MALRD1: variants seen among roughly 807,000 people sequenced by gnomAD.
The protein encoded by MALRD1 is MAM and LDL receptor class A domain containing 1.
In MALRD1, 247 loss-of-function variants were observed where a neutral mutation model predicts 242.1. That is an observed-to-expected ratio of 1.02 (90% CI 0.92 to 1.13). MALRD1 has a LOEUF of 1.13. Ranked by LOEUF, MALRD1 falls within the 50% of genes most tolerant of loss-of-function variation. MALRD1 has a pLI of 0.00. For missense variants in MALRD1, 2,989 were observed against 2,533.1 expected (o/e 1.18, Z -3.86); for synonymous variants, 995 against 866.6 (o/e 1.15, Z -2.60).
At chr10:19,427,560 C>T (rs10508586) in intron 28 of MALRD1, among the ~76,000 whole-genome samples, 2,275 of 152,142 alleles carry the variant, frequency 0.015, 39 homozygotes, top group East Asian at 0.062. Flanking sequence ...GATGGTAGCA[C>T]GGACATCAAA....
At chr10:19,379,741 A>G (rs1354843281) in intron 26 of MALRD1, among the ~76,000 whole-genome samples, 1 of 152,128 alleles carries the variant, frequency 6.6e-6, no homozygotes, top group East Asian at 1.9e-4. Flanking sequence ...CTTGAAAACA[A>G]TGTATATTCT....
chr10:19,553,092 C>T (rs1835561615), intron 32 of MALRD1, among the ~76,000 whole-genome samples: 2 of 151,988 alleles, frequency 1.3e-5, no homozygotes. Context: ...CCTAAGAGGA[C>T]TATTTTATTT....
At chr10:19,300,674 T>G (rs946771520) in intron 21 of MALRD1, among the ~76,000 whole-genome samples, 6 of 152,010 alleles carry the variant, frequency 3.9e-5, no homozygotes, top group Admixed American at 3.9e-4. Context: ...AGATTGAAAC[T>G]GGACCCCTTC....
intron 4 of MALRD1, among the ~76,000 whole-genome samples, chr10:19,099,791 A>G (rs1836184901): frequency 6.6e-6 from 1 of 150,816 alleles, no homozygotes; most frequent in South Asian, 2.1e-4. Flanking sequence ...TGCCAGATGG[A>G]ATCTCACTCT....
intron 26 of MALRD1, 31 bp from the exon 27 acceptor site, chr10:19,387,497 C>T: frequency 6.5e-7 from 1 of 1,542,094 alleles, no homozygotes; most frequent in South Asian, 1.2e-5. Context: ...GGAGTGTTCG[C>T]TCATTCTTGT....
At chr10:19,629,070 A>G (rs578177098) in intron 36 of MALRD1, among the ~76,000 whole-genome samples, 31 of 152,202 alleles carry the variant, frequency 2.0e-4, no homozygotes, top group Non-Finnish European at 4.0e-4. Flanking sequence ...ATATGCTAAC[A>G]GAGTCACAAA....
chr10:19,486,229 G>C (rs1029925787), intron 29 of MALRD1, among the ~76,000 whole-genome samples: 8 of 152,080 alleles, frequency 5.3e-5, no homozygotes, highest in African/African-American at 1.9e-4. Flanking sequence ...AGAACCAAAA[G>C]ACGTAGTTTC....
chr10:19,584,480 G>T (rs1476436358), intron 33 of MALRD1, among the ~76,000 whole-genome samples: 2 of 152,088 alleles, frequency 1.3e-5, no homozygotes, highest in Non-Finnish European at 2.9e-5. Context: ...ATTTCGTTAT[G>T]TACCCAGTAG....
chr10:19,324,091 G>T lies in MALRD1; in HGVS notation c.3562G>T (p.Val1188Phe), dbSNP rs182913030. 1 of 1,550,198 alleles carries T rather than the reference G, an allele frequency of 6.5e-7. No homozygotes were observed. The highest frequency in any genetic ancestry group is 2.4e-5 in the East Asian group (1 of 40,880). Reference sequence around the variant, plus strand: ...CTGGACACATATGAATGGGGCCACCGTTGGTTCTCTCCAGGTACTGCTTAG... The same window carrying T: ...CTGGACACATATGAATGGGGCCACCTTTGGTTCTCTCCAGGTACTGCTTAG... ...VFWTHMNGAT[V>F]GSLQVLIKKD... is the part of the protein sequence containing the mutation. The change falls in exon 22 of 40, where the codon GTT (valine) becomes TTT (phenylalanine). Residue 1188 changes from valine (V) to phenylalanine (F), a missense_variant. Transcript: ENST00000454679.
At chr10:19,448,744 TA>T (rs1195022975) in intron 28 of MALRD1, among the ~76,000 whole-genome samples, 1 of 151,966 alleles carries the variant, frequency 6.6e-6, no homozygotes, top group Non-Finnish European at 1.5e-5. Flanking sequence ...TCTTTTCAAT[TA>T]AAAAATTTTA....
chr10:19,641,885 C>T (rs1294982150), intron 36 of MALRD1, among the ~76,000 whole-genome samples: 1 of 152,012 alleles, frequency 6.6e-6, no homozygotes. Flanking sequence ...AGTGGTGTTA[C>T]AACCCACAGA....
chr10:19,311,396 A>C (rs1842416998), intron 21 of MALRD1, among the ~76,000 whole-genome samples: 1 of 151,466 alleles, frequency 6.6e-6, no homozygotes, highest in African/African-American at 2.4e-5. Flanking sequence ...TAAATATCTA[A>C]ATTTCCTGCT....
chr10:19,315,652 ATAT>A (rs1373055468), intron 21 of MALRD1, among the ~76,000 whole-genome samples: 11 of 128,716 alleles, frequency 8.5e-5, no homozygotes, highest in South Asian at 4.6e-4. Context: ...AAATATATAA[ATAT>A]TATTTATATG....
At chr10:19,470,540 C>A (rs925013047) in intron 29 of MALRD1, among the ~76,000 whole-genome samples, 5 of 151,774 alleles carry the variant, frequency 3.3e-5, no homozygotes, top group Admixed American at 3.3e-4. Flanking sequence ...ATGGTTGTAC[C>A]AACTTACATT....
intron 36 of MALRD1, among the ~76,000 whole-genome samples, chr10:19,629,385 A>G (rs1251112080): frequency 6.6e-6 from 1 of 152,136 alleles, no homozygotes; most frequent in Admixed American, 6.6e-5. Context: ...GTCCTCCGAG[A>G]GGAGTGGTGG....
intron 21 of MALRD1, among the ~76,000 whole-genome samples, chr10:19,299,830 G>A (rs563046346): frequency 5.9e-5 from 9 of 151,812 alleles, no homozygotes; most frequent in Admixed American, 3.3e-4. Flanking sequence ...GCCCACTCTC[G>A]TCACTCCTAT....
chr10:19,169,381 G>A (rs1032190267), intron 13 of MALRD1, among the ~76,000 whole-genome samples: 59 of 151,930 alleles, frequency 3.9e-4, no homozygotes, highest in African/African-American at 1.3e-3. Context: ...ATACATACAT[G>A]GTAATATTTA....
intron 34 of MALRD1, among the ~76,000 whole-genome samples, chr10:19,597,390 C>T (rs1051941049): frequency 2.0e-5 from 3 of 152,106 alleles, no homozygotes; most frequent in African/African-American, 7.2e-5. Flanking sequence ...TTGGAGTTTG[C>T]CTAGTCCTGC....
At chr10:19,494,779 A>C (rs1270886058) in intron 30 of MALRD1, among the ~76,000 whole-genome samples, 1 of 152,174 alleles carries the variant, frequency 6.6e-6, no homozygotes, top group African/African-American at 2.4e-5. Context: ...GGATTATGTT[A>C]AGAGGCCAAA....
Sources: allele counts gnomAD v4.1 joint callset (sites outside exome capture counted in the v4.1 genomes callset), GRCh38; gene constraint gnomAD v4.1.1; transcripts MANE v1.5; gene names NCBI Gene and HGNC (gene_info 2026-07-23, HGNC 2026-07-21).